The following ATP13A4 variants were observed in gnomAD, a reference collection of about 807,000 sequenced individuals.
The protein encoded by ATP13A4 is ATPase 13A4.
A neutral mutation model predicts 142.5 loss-of-function variants in ATP13A4; 114 were observed. The observed-to-expected ratio is 0.80, with a 90% confidence interval of 0.69 to 0.93. The LOEUF (loss-of-function observed/expected upper bound fraction) is 0.93. Ranked by LOEUF, ATP13A4 falls within the 40% of genes least tolerant of loss-of-function variation. The probability of loss-of-function intolerance (pLI) is 0.00; values close to 1 mark genes in which losing one functional copy is unlikely to be tolerated. For synonymous variants in ATP13A4, 488 were observed against 514.8 expected (o/e 0.95, Z 0.70); for missense variants, 1,392 against 1,454.0 (o/e 0.96, Z 0.69).
Position 193,399,456 on chromosome 3 carries a change from G to T in ATP13A4, c.*3196C>A, listed in dbSNP as rs1207598614. The stretch of plus-strand genomic sequence containing the variant: ...TCCCCTTTCAAGGTACAGGGCAATT[G>T]AGTCTATATGTCCACACAATCGGAT... On this transcript the variant is annotated 3_prime_UTR_variant, in exon 30 of 30. Coordinates refer to ENST00000342695, the MANE Select transcript of ATP13A4 (RefSeq NM_032279.4). Among the ~76,000 whole-genome samples, 1 of 152,118 alleles carries T rather than the reference G, an allele frequency of 6.6e-6. No homozygotes were observed. The highest frequency in any genetic ancestry group is 6.5e-5 in the Admixed American group (1 of 15,286).
intron 8 of ATP13A4, among the ~76,000 whole-genome samples, chr3:193,483,625 CG>C (rs1257764509): frequency 6.6e-6 from 1 of 151,942 alleles, no homozygotes; most frequent in African/African-American, 2.4e-5. Context: ...CCACCACGCC[CG>C]GCTAATTTTT....
chr3:193,496,385 T>C (rs1165378919), intron 3 of ATP13A4, among the ~76,000 whole-genome samples: 1 of 152,138 alleles, frequency 6.6e-6, no homozygotes, highest in Non-Finnish European at 1.5e-5. Context: ...TATAGACCAA[T>C]GGAACCACAT....
chr3:193,458,032 G>A (rs888116172), intron 14 of ATP13A4, among the ~76,000 whole-genome samples: 75 of 152,202 alleles, frequency 4.9e-4, no homozygotes, highest in African/African-American at 1.7e-3. Flanking sequence ...GGCTGACAAG[G>A]TCCCAGAGAG....
intron 1 of ATP13A4, chr3:193,553,504 A>C (rs1723707639): frequency 6.6e-6 from 1 of 152,238 alleles, no homozygotes; most frequent in African/African-American, 2.4e-5. Flanking sequence ...TAATATCGAG[A>C]GTAATGAGAT....
intron 25 of ATP13A4, among the ~76,000 whole-genome samples, chr3:193,418,279 A>T (rs1198931924): frequency 6.8e-6 from 1 of 146,616 alleles, no homozygotes; most frequent in Non-Finnish European, 1.5e-5. Flanking sequence ...AGATTGCGCC[A>T]CTGCACTCCA....
intron 23 of ATP13A4, 88 bp downstream of exon 23, chr3:193,438,387 G>A: frequency 8.9e-7 from 1 of 1,124,856 alleles, no homozygotes; most frequent in Non-Finnish European, 1.3e-6. Context: ...GGGACAGAAA[G>A]TTTCTCTAGT....
rs771203126 is a variant in ATP13A4 at position 193,456,998 on chromosome 3, AC to A, written c.1915+1del. ...AGGTGTAATCCAAGTCAAGTTACAG[AC>A]CTGTCTCAGGTTGGCAAAAGCTGGC... On this transcript the variant is annotated splice_donor_variant, in intron 16 of 29. Coordinates refer to ENST00000342695, the MANE Select transcript of ATP13A4 (RefSeq NM_032279.4). LOFTEE classifies it high-confidence loss of function. 53 of 1,611,726 alleles carry A rather than the reference AC, an allele frequency of 3.3e-5. No homozygotes were observed. The highest frequency in any genetic ancestry group is 4.3e-5 in the Non-Finnish European group (51 of 1,178,958).
chr3:193,555,663 A>T (rs1375015232), upstream of ATP13A4, among the ~76,000 whole-genome samples: 2 of 152,374 alleles, frequency 1.3e-5, no homozygotes, highest in Admixed American at 6.5e-5. Context: ...TACCTAAAAA[A>T]GTTAAGTCAT....
At chr3:193,528,481 A>G (rs1309409907) in intron 1 of ATP13A4, among the ~76,000 whole-genome samples, 1 of 152,236 alleles carries the variant, frequency 6.6e-6, no homozygotes, top group Non-Finnish European at 1.5e-5. Flanking sequence ...AGAAGTGGAA[A>G]TGGTGACATT....
chr3:193,452,336 C>T (rs1453551854), intron 17 of ATP13A4, among the ~76,000 whole-genome samples: 1 of 152,100 alleles, frequency 6.6e-6, no homozygotes, highest in South Asian at 2.1e-4. Flanking sequence ...ACTTGAGTGA[C>T]CCTGAACTAA....
At chr3:193,554,420 TG>T (rs1723774754) in intron 1 of ATP13A4, 4 of 425,004 alleles carry the variant, frequency 9.4e-6, no homozygotes, top group South Asian at 8.6e-5. Flanking sequence ...TGAACAGAAC[TG>T]GCTATACCAA....
intron 21 of ATP13A4, among the ~76,000 whole-genome samples, chr3:193,439,583 C>G (rs1305573369): frequency 2.0e-5 from 3 of 152,168 alleles, no homozygotes; most frequent in African/African-American, 7.2e-5. Flanking sequence ...GAAATCCATC[C>G]TGTCAACAGT....
chr3:193,487,764 G>T (rs1360522760), intron 7 of ATP13A4, among the ~76,000 whole-genome samples: 1 of 152,052 alleles, frequency 6.6e-6, no homozygotes, highest in Non-Finnish European at 1.5e-5. Context: ...ATATGTATAG[G>T]TATGTAATAT....
At chr3:193,446,061 G>A (rs1716935237) in intron 18 of ATP13A4, among the ~76,000 whole-genome samples, 1 of 152,148 alleles carries the variant, frequency 6.6e-6, no homozygotes, top group African/African-American at 2.4e-5. Flanking sequence ...TACTAAGAAG[G>A]CTTAGGCAGG....
At chr3:193,442,778 C>T (rs1456018710) in intron 18 of ATP13A4, among the ~76,000 whole-genome samples, 2 of 152,134 alleles carry the variant, frequency 1.3e-5, no homozygotes, top group African/African-American at 4.8e-5. Context: ...TGTATTTTTG[C>T]CAGACTGGGG....
At chr3:193,469,714 T>G (rs772725570) in intron 9 of ATP13A4, among the ~76,000 whole-genome samples, 2 of 152,208 alleles carry the variant, frequency 1.3e-5, no homozygotes, top group Non-Finnish European at 2.9e-5. Flanking sequence ...GAGGGGACTA[T>G]TGCAGAGGCT....
intron 17 of ATP13A4, 50 bp from the exon 18 acceptor site, chr3:193,448,380 C>CA (rs1553841799): frequency 9.4e-6 from 15 of 1,589,804 alleles, no homozygotes; most frequent in Non-Finnish European, 1.1e-5. Flanking sequence ...CATATTACAG[C>CA]TTTTTTTTTG....
At chr3:193,464,151 C>G (rs189481051) in intron 12 of ATP13A4, among the ~76,000 whole-genome samples, 206 of 152,264 alleles carry the variant, frequency 1.4e-3, no homozygotes, top group African/African-American at 4.6e-3. Context: ...AATAACCCTC[C>G]ACTGCTTAAA....
At chr3:193,511,131 A>C (rs373674497) in intron 2 of ATP13A4, among the ~76,000 whole-genome samples, 1 of 152,202 alleles carries the variant, frequency 6.6e-6, no homozygotes, top group Non-Finnish European at 1.5e-5. Context: ...ATTTAAAATG[A>C]CACACAAGAG....
Sources: gnomAD v4.1 joint callset for allele counts (sites outside exome capture counted in the v4.1 genomes callset) on GRCh38, gnomAD v4.1.1 for gene constraint, MANE v1.5 for transcripts, NCBI Gene and HGNC (gene_info 2026-07-23, HGNC 2026-07-21) for gene names.